Variants in RANBP2 observed in about 807,000 individuals in gnomAD.
The protein encoded by RANBP2 is RAN binding protein 2.
RANBP2 carries 57 observed loss-of-function variants against 303.6 expected under a neutral mutation model. The ratio of observed to expected loss-of-function variants is 0.19; its 90% CI spans 0.15 to 0.23. RANBP2 has a LOEUF of 0.23. Among genes scored for constraint, RANBP2 ranks in the 10% least tolerant of loss-of-function variants. The pLI is 1.00. For missense variants in RANBP2, 3,138 were observed against 3,780.8 expected (o/e 0.83, Z 4.46); for synonymous variants, 1,167 against 1,301.5 (o/e 0.90, Z 2.23).
the RANBP2 span, among the ~76,000 whole-genome samples, chr2:109,523,177 T>C: frequency 6.6e-6 from 1 of 152,142 alleles, no homozygotes. Context: ...CACAGTGCCC[T>C]TGAATCTCTG....
the RANBP2 span, chr2:109,613,516 T>C: frequency 4.2e-6 from 1 of 235,684 alleles, no homozygotes; most frequent in Non-Finnish European, 8.2e-6. Context: ...TGGATGTAAC[T>C]TTTGGCAAAG....
the RANBP2 span, among the ~76,000 whole-genome samples, chr2:109,695,516 C>T: frequency 6.6e-6 from 1 of 152,216 alleles, no homozygotes; most frequent in African/African-American, 2.4e-5. Flanking sequence ...ATGGAACCAG[C>T]AGGTGCTACC....
At chr2:108,935,132 C>G in the RANBP2 span, among the ~76,000 whole-genome samples, 6 of 152,196 alleles carry the variant, frequency 3.9e-5, no homozygotes, top group Non-Finnish European at 7.3e-5. Flanking sequence ...CGGAAAAGGT[C>G]TGCCACTCCT....
the RANBP2 span, among the ~76,000 whole-genome samples, chr2:109,200,503 G>A: frequency 2.6e-5 from 4 of 152,098 alleles, no homozygotes; most frequent in Admixed American, 1.3e-4. Flanking sequence ...CTCAGTCGGC[G>A]GGTCCAAGCC....
At chr2:109,226,753 A>G in the RANBP2 span, among the ~76,000 whole-genome samples, 4 of 152,208 alleles carry the variant, frequency 2.6e-5, no homozygotes, top group Non-Finnish European at 5.9e-5. Flanking sequence ...TTTAGGGGAC[A>G]TTCAGATATA....
the RANBP2 span, among the ~76,000 whole-genome samples, chr2:109,049,699 G>A: frequency 6.6e-6 from 1 of 152,150 alleles, no homozygotes; most frequent in Non-Finnish European, 1.5e-5. Context: ...TCATTATCCA[G>A]GCCCTCACTT....
the RANBP2 span, among the ~76,000 whole-genome samples, chr2:109,443,620 T>C: frequency 6.6e-6 from 1 of 152,146 alleles, no homozygotes; most frequent in African/African-American, 2.4e-5. Context: ...CTTAATCAGA[T>C]AGAGCAGAAT....
chr2:109,038,782 T>C, the RANBP2 span, among the ~76,000 whole-genome samples: 1 of 152,262 alleles, frequency 6.6e-6, no homozygotes, highest in Non-Finnish European at 1.5e-5. Context: ...CCAGTAACTT[T>C]CATGTTAACT....
the RANBP2 span, among the ~76,000 whole-genome samples, chr2:109,387,295 A>G: frequency 0.016 from 2,492 of 152,262 alleles, 72 homozygotes; most frequent in African/African-American, 0.057. Context: ...TCTCAGCGCC[A>G]GGGCCGGGGG....
At chr2:108,823,383 A>G in the RANBP2 span, among the ~76,000 whole-genome samples, 6 of 152,228 alleles carry the variant, frequency 3.9e-5, no homozygotes, top group Admixed American at 2.6e-4. Context: ...AAAAATCCTC[A>G]ACAAAATAGT....
the RANBP2 span, among the ~76,000 whole-genome samples, chr2:108,815,281 CTTAAG>C: frequency 3.9e-5 from 6 of 152,020 alleles, no homozygotes; most frequent in South Asian, 4.2e-4. Context: ...GATTCATGCT[CTTAAG>C]TTAAGGCTAA....
chr2:109,636,868 G>A, the RANBP2 span, among the ~76,000 whole-genome samples: 1 of 152,126 alleles, frequency 6.6e-6, no homozygotes, highest in Admixed American at 6.6e-5. Context: ...CCACACCTGT[G>A]GGTATTTCTA....
chr2:109,383,843 A>G, the RANBP2 span, among the ~76,000 whole-genome samples: 5 of 152,190 alleles, frequency 3.3e-5, no homozygotes, highest in Non-Finnish European at 1.5e-5. Context: ...TTCAGTGATC[A>G]GTCCGTCCTT....
intron 1 of RANBP2, 123 bp downstream of exon 1, chr2:108,719,801 C>T: frequency 1.3e-6 from 2 of 1,491,466 alleles, no homozygotes; most frequent in Non-Finnish European, 1.8e-6. Context: ...CGCCGGCCGG[C>T]TGGCGCAGTC....
the RANBP2 span, chr2:108,897,084 G>A: frequency 1.9e-6 from 3 of 1,614,154 alleles, no homozygotes; most frequent in Non-Finnish European, 2.5e-6. Flanking sequence ...CGTCTGTCAT[G>A]CCCCCAATCT....
the RANBP2 span, among the ~76,000 whole-genome samples, chr2:109,515,157 G>GGCGGCC: frequency 6.6e-6 from 1 of 152,192 alleles, no homozygotes; most frequent in Non-Finnish European, 1.5e-5. Context: ...GATGACCAAT[G>GGCGGCC]GCGGCCAGGG....
the RANBP2 span, among the ~76,000 whole-genome samples, chr2:109,135,928 T>A: frequency 2.6e-5 from 4 of 152,162 alleles, no homozygotes; most frequent in Non-Finnish European, 5.9e-5. Flanking sequence ...GGGAGAATAA[T>A]CCTGCTCAGT....
the RANBP2 span, among the ~76,000 whole-genome samples, chr2:109,076,560 T>C: frequency 6.6e-6 from 1 of 150,578 alleles, no homozygotes; most frequent in Non-Finnish European, 1.5e-5. Context: ...ATTTTTAAGA[T>C]ACAAAATCAA....
chr2:108,797,516 T>C, the RANBP2 span, among the ~76,000 whole-genome samples: 1 of 151,870 alleles, frequency 6.6e-6, no homozygotes, highest in Non-Finnish European at 1.5e-5. Context: ...CAAATGTAGA[T>C]GGTTGTAAAG....
Sources: gnomAD v4.1 joint callset for allele counts (sites outside exome capture counted in the v4.1 genomes callset) on GRCh38, gnomAD v4.1.1 for gene constraint, MANE v1.5 for transcripts, NCBI Gene and HGNC (gene_info 2026-07-23, HGNC 2026-07-21) for gene names.